SLMAP: variants seen among roughly 807,000 people sequenced by gnomAD.
SLMAP encodes sarcolemmal membrane-associated protein.
A neutral mutation model predicts 128.8 loss-of-function variants in SLMAP; 44 were observed. The ratio of observed to expected loss-of-function variants is 0.34; its 90% CI spans 0.27 to 0.44. SLMAP has a LOEUF of 0.44. SLMAP is among the 20% of genes least tolerant of loss of function. The pLI is 1.00. For synonymous variants in SLMAP, 327 were observed against 348.8 expected, an observed-to-expected ratio of 0.94 and a Z score of 0.70; for missense variants, 787 against 985.3, an observed-to-expected ratio of 0.80 and a Z score of 2.69.
intron 2 of SLMAP, among the ~76,000 whole-genome samples, chr3:57,776,522 CTTTTTTT>C (rs1553775402): frequency 2.2e-5 from 2 of 92,610 alleles, no homozygotes; most frequent in African/African-American, 9.4e-5. Flanking sequence ...CTCTCTCTCT[CTTTTTTT>C]TTTTTTTTTT....
chr3:57,920,265 C>T (rs1223132115), intron 22 of SLMAP, among the ~76,000 whole-genome samples: 1 of 152,194 alleles, frequency 6.6e-6, no homozygotes, highest in East Asian at 1.9e-4. Flanking sequence ...ATCATAAAGT[C>T]CATGAATTGT....
At position 57,841,165 on chromosome 3, in the gene SLMAP, A is replaced by T. The variant is rs183689593; in HGVS notation, c.347-134A>T. 14 of 530,486 alleles carry T rather than the reference A, an allele frequency of 2.6e-5. 1 individual carries two copies. The East Asian group carries it at 4.2e-4, about 16-fold the overall frequency. 32.9% of individuals were successfully genotyped at this position (530,486 alleles called of 1,614,324 possible). ...TGAGTTTCTCCAGGGTAATAATGTC[A>T]TTAAACCACTAGCTTTATTTTCTTT... On this transcript the variant is annotated intron_variant, in intron 3 of 24. Coordinates refer to ENST00000671191, the MANE Select transcript of SLMAP (RefSeq NM_001377540.1).
intron 2 of SLMAP, among the ~76,000 whole-genome samples, chr3:57,799,112 A>G (rs2087524980): frequency 6.6e-6 from 1 of 152,236 alleles, no homozygotes; most frequent in South Asian, 2.1e-4. Flanking sequence ...TGTAAGTTAG[A>G]GTAGCATTAC....
intron 13 of SLMAP, among the ~76,000 whole-genome samples, chr3:57,867,150 A>G (rs906786717): frequency 3.7e-4 from 57 of 152,172 alleles, no homozygotes; most frequent in Admixed American, 1.2e-3. Flanking sequence ...CTGCACCCCA[A>G]CCTGGGCAAC....
In SLMAP at chr3:57,896,868, TG is replaced by T; in HGVS notation, c.1442-4del. 1 of 1,601,700 alleles carries T rather than the reference TG, an allele frequency of 6.2e-7. No homozygotes were observed. Among genetic ancestry groups the T allele is most frequent in the Non-Finnish European group, 8.5e-7 (1 of 1,176,462 alleles). On this transcript the variant is annotated splice_polypyrimidine_tract_variant and splice_region_variant and intron_variant, in intron 16 of 24. Transcript: ENST00000671191. ...ATTATATATGTATTTTTTTCCTCTC[TG>T]TAGACGCCCAAATGGATGAGCAAGA...
chr3:57,861,543 T>C (rs915846910), intron 9 of SLMAP, among the ~76,000 whole-genome samples: 1 of 152,226 alleles, frequency 6.6e-6, no homozygotes, highest in Non-Finnish European at 1.5e-5. Flanking sequence ...TAATTTGATA[T>C]ATAAAGAAAG....
At chr3:57,829,385 CCCCTTATTT>C (rs2093175554) in intron 2 of SLMAP, among the ~76,000 whole-genome samples, 1 of 151,842 alleles carries the variant, frequency 6.6e-6, no homozygotes, top group Non-Finnish European at 1.5e-5. Context: ...ATCATATAAT[CCCCTTATTT>C]AACTTGCCCA....
At chr3:57,912,765 A>T (rs957471545) in intron 20 of SLMAP, 64 bp downstream of exon 20, 2 of 1,299,534 alleles carry the variant, frequency 1.5e-6, no homozygotes, top group Non-Finnish European at 2.1e-6. Flanking sequence ...TAACTTGTTT[A>T]AAAAAGAAAC....
intron 2 of SLMAP, among the ~76,000 whole-genome samples, chr3:57,821,705 A>G (rs1230794436): frequency 6.6e-6 from 1 of 152,220 alleles, no homozygotes; most frequent in Non-Finnish European, 1.5e-5. Context: ...CTGCTAGATC[A>G]TCAAAGCTGT....
At chr3:57,771,941 G>A (rs1036157885) in intron 2 of SLMAP, among the ~76,000 whole-genome samples, 2 of 151,974 alleles carry the variant, frequency 1.3e-5, no homozygotes, top group African/African-American at 2.4e-5. Flanking sequence ...AAAGAAGTTG[G>A]GTAAATTACA....
At chr3:57,916,723 G>A (rs2096821597) in intron 21 of SLMAP, among the ~76,000 whole-genome samples, 183 bp from the exon 22 acceptor site, 1 of 151,896 alleles carries the variant, frequency 6.6e-6, no homozygotes, top group Non-Finnish European at 1.5e-5. Flanking sequence ...CTTTAAACTT[G>A]CATTTTTTTA....
rs201669124 is a variant in SLMAP at position 57,806,021 on chromosome 3, T to TG, written c.199-25362_199-25361insG. Among the ~76,000 whole-genome samples the TG allele has an allele frequency of 5.6e-3, 846 of 151,000 alleles. 9 individuals are homozygous for TG. Among genetic ancestry groups the TG allele is most frequent in the African/African-American group, 0.019 (800 of 41,096 alleles). ...TTCTTGCTAGTAGGTAAAACAGGGT[T>TG]TTTTTTTTGTTTGTTTTGTTTTTTT... On this transcript the variant is annotated intron_variant, in intron 2 of 24. Transcript: ENST00000671191.
intron 18 of SLMAP, among the ~76,000 whole-genome samples, chr3:57,908,629 A>G (rs1163268224): frequency 6.6e-6 from 1 of 152,208 alleles, no homozygotes; most frequent in Non-Finnish European, 1.5e-5. Flanking sequence ...ATTGGTATTC[A>G]CTTAACTTGA....
At chr3:57,866,139 G>T (rs1183527363) in intron 13 of SLMAP, among the ~76,000 whole-genome samples, 1 of 152,154 alleles carries the variant, frequency 6.6e-6, no homozygotes, top group Non-Finnish European at 1.5e-5. Context: ...AGGCATTGTG[G>T]TGTGCGCCTG....
chr3:57,787,308 A>G (rs1353426070), intron 2 of SLMAP, among the ~76,000 whole-genome samples: 1 of 152,024 alleles, frequency 6.6e-6, no homozygotes, highest in Non-Finnish European at 1.5e-5. Context: ...TTTTCTTTTC[A>G]CATCTCTTCA....
At chr3:57,820,124 T>G (rs527728973) in intron 2 of SLMAP, among the ~76,000 whole-genome samples, 4 of 152,120 alleles carry the variant, frequency 2.6e-5, no homozygotes, top group Admixed American at 1.3e-4. Context: ...GACCCCAGGA[T>G]AGTTAGCATT....
intron 14 of SLMAP, among the ~76,000 whole-genome samples, chr3:57,881,685 A>C (rs2153634494): frequency 6.6e-6 from 1 of 152,000 alleles, no homozygotes; most frequent in East Asian, 1.9e-4. Flanking sequence ...CTCGATCTTG[A>C]CCTCGTGATG....
chr3:57,859,673 T>C (rs2094957451), intron 8 of SLMAP, among the ~76,000 whole-genome samples: 1 of 152,098 alleles, frequency 6.6e-6, no homozygotes, highest in African/African-American at 2.4e-5. Context: ...TGTAAAGGCA[T>C]AAAGAGTGCT....
chr3:57,927,070 C>G (rs1050022762), intron 24 of SLMAP, among the ~76,000 whole-genome samples: 3 of 152,122 alleles, frequency 2.0e-5, no homozygotes, highest in Non-Finnish European at 4.4e-5. Flanking sequence ...CCAGGACTTT[C>G]TTGGGACGTG....
Sources: gnomAD v4.1 joint callset for allele counts (sites outside exome capture counted in the v4.1 genomes callset) on GRCh38, gnomAD v4.1.1 for gene constraint, MANE v1.5 for transcripts, NCBI Gene and HGNC (gene_info 2026-07-23, HGNC 2026-07-21) for gene names.